Variants in LRP1B observed in about 807,000 individuals in gnomAD.
The protein encoded by LRP1B is LDL receptor related protein 1B, also known as low-density lipoprotein receptor-related protein 1B.
In LRP1B, 217 loss-of-function variants were observed where a neutral mutation model predicts 556.6. The observed-to-expected ratio is 0.39, with a 90% CI of 0.35 to 0.44. The LOEUF (loss-of-function observed/expected upper bound fraction) is 0.44. LRP1B is among the 20% of genes least tolerant of loss of function. The pLI, the probability that LRP1B is intolerant of heterozygous loss-of-function variation, is 1.00. For synonymous variants in LRP1B, 2,047 were observed against 1,865.8 expected (o/e 1.10, Z -2.50); for missense variants, 5,053 against 5,620.8 (o/e 0.90, Z 3.23).
At chr2:142,027,480 A>G (rs77373740) in intron 1 of LRP1B, among the ~76,000 whole-genome samples, 4,892 of 151,978 alleles carry the variant, frequency 0.032, 86 homozygotes, top group Non-Finnish European at 0.04. Context: ...ACCTTTCTCT[A>G]TCAAGAGAAT....
At chr2:141,402,197 C>T (rs530157965) in intron 3 of LRP1B, among the ~76,000 whole-genome samples, 2 of 152,110 alleles carry the variant, frequency 1.3e-5, no homozygotes, top group South Asian at 4.2e-4. Context: ...TGTATTTTAG[C>T]ATAGATCATA....
intron 2 of LRP1B, among the ~76,000 whole-genome samples, chr2:141,487,684 G>C (rs575494276): frequency 9.9e-5 from 15 of 152,116 alleles, no homozygotes; most frequent in African/African-American, 3.1e-4. Flanking sequence ...CCCACTCCTG[G>C]ATCTTTCTTT....
At chr2:140,992,986 T>C (rs1697136982) in intron 16 of LRP1B, among the ~76,000 whole-genome samples, 1 of 152,170 alleles carries the variant, frequency 6.6e-6, no homozygotes, top group Admixed American at 6.6e-5. Context: ...AATATACAAT[T>C]TGAAAATATT....
intron 43 of LRP1B, among the ~76,000 whole-genome samples, chr2:140,577,431 T>C (rs1681571028): frequency 6.6e-6 from 1 of 151,872 alleles, no homozygotes; most frequent in African/African-American, 2.4e-5. Context: ...ATTTTTTTTT[T>C]TTTTTGAGAC....
chr2:141,228,579 ATGAG>A (rs1553479542), intron 6 of LRP1B, among the ~76,000 whole-genome samples: 1 of 80,964 alleles, frequency 1.2e-5, no homozygotes. Flanking sequence ...GTCTGTGTGT[ATGAG>A]TGTGTGTGTG....
intron 1 of LRP1B, among the ~76,000 whole-genome samples, chr2:142,040,576 A>C (rs1327994685): frequency 6.6e-6 from 1 of 151,010 alleles, no homozygotes; most frequent in African/African-American, 2.4e-5. Flanking sequence ...TGAAAAGTAC[A>C]CGGTTTTAAA....
intron 1 of LRP1B, among the ~76,000 whole-genome samples, chr2:142,111,858 C>T (rs1706999088): frequency 6.6e-6 from 1 of 151,998 alleles, no homozygotes; most frequent in Admixed American, 6.6e-5. Flanking sequence ...GGTATTATCT[C>T]AAAACTTCAA....
chr2:141,271,300 T>G (rs189344205), intron 3 of LRP1B, among the ~76,000 whole-genome samples: 1 of 145,874 alleles, frequency 6.9e-6, no homozygotes, highest in Non-Finnish European at 1.5e-5. Flanking sequence ...AGTAGCAAAA[T>G]AATAAGAAGA....
intron 3 of LRP1B, among the ~76,000 whole-genome samples, chr2:141,411,506 T>C (rs903057449): frequency 6.6e-6 from 1 of 152,106 alleles, no homozygotes; most frequent in Non-Finnish European, 1.5e-5. Flanking sequence ...ATATGAGAAT[T>C]AGTGTGAAAC....
intron 3 of LRP1B, among the ~76,000 whole-genome samples, chr2:141,379,163 G>T (rs1689545013): frequency 6.6e-6 from 1 of 152,022 alleles, no homozygotes; most frequent in African/African-American, 2.4e-5. Context: ...GAGATGAACA[G>T]CAGATTTTTC....
intron 7 of LRP1B, among the ~76,000 whole-genome samples, chr2:141,182,412 A>T (rs1473054761): frequency 6.6e-6 from 1 of 151,956 alleles, no homozygotes; most frequent in Non-Finnish European, 1.5e-5. Flanking sequence ...ACCCCTTGAT[A>T]CTTTCCATCC....
chr2:141,787,874 C>A (rs560883338), intron 2 of LRP1B, among the ~76,000 whole-genome samples: 5 of 151,984 alleles, frequency 3.3e-5, no homozygotes, highest in East Asian at 1.9e-4. Flanking sequence ...TCATTAAAAT[C>A]TTTTTCTCCA....
intron 41 of LRP1B, among the ~76,000 whole-genome samples, chr2:140,609,863 A>T (rs1481073803): frequency 6.6e-6 from 1 of 152,162 alleles, no homozygotes; most frequent in East Asian, 1.9e-4. Flanking sequence ...GTAATAAAAA[A>T]GCATGTATCA....
intron 2 of LRP1B, among the ~76,000 whole-genome samples, chr2:141,803,177 G>C (rs1238859390): frequency 6.6e-6 from 1 of 150,660 alleles, no homozygotes; most frequent in Non-Finnish European, 1.5e-5. Flanking sequence ...TCGTATGCCT[G>C]TGTGAATTGT....
At chr2:141,319,807 C>T (rs1307021271) in intron 3 of LRP1B, among the ~76,000 whole-genome samples, 1 of 152,036 alleles carries the variant, frequency 6.6e-6, no homozygotes, top group Non-Finnish European at 1.5e-5. Flanking sequence ...TGAGTCAAGT[C>T]TGTCTTGCTG....
intron 1 of LRP1B, among the ~76,000 whole-genome samples, chr2:142,045,902 C>T (rs964086084): frequency 1.3e-5 from 2 of 151,876 alleles, no homozygotes; most frequent in Non-Finnish European, 2.9e-5. Context: ...CACATGTTGG[C>T]ATTCATTATG....
intron 41 of LRP1B, among the ~76,000 whole-genome samples, chr2:140,604,273 G>T (rs1023207895): frequency 1.3e-5 from 2 of 151,484 alleles, no homozygotes; most frequent in Non-Finnish European, 2.9e-5. Flanking sequence ...CCACTTTTGA[G>T]CAGGGAATTG....
At chr2:141,562,410 C>T (rs1483149) in intron 2 of LRP1B, among the ~76,000 whole-genome samples, 47,453 of 151,742 alleles carry the variant, frequency 0.31, 7,752 homozygotes, top group South Asian at 0.45. Context: ...TTCTTACTCC[C>T]TCAGTATAGT....
intron 1 of LRP1B, among the ~76,000 whole-genome samples, chr2:141,920,282 G>A (rs1313300330): frequency 8.3e-6 from 1 of 120,476 alleles, no homozygotes; most frequent in African/African-American, 3.3e-5. Flanking sequence ...TTTTTTTTGG[G>A]GGGGGGTGGT....
Sources: gnomAD v4.1 joint callset for allele counts (sites outside exome capture counted in the v4.1 genomes callset) on GRCh38, gnomAD v4.1.1 for gene constraint, MANE v1.5 for transcripts, NCBI Gene and HGNC (gene_info 2026-07-23, HGNC 2026-07-21) for gene names.